The following NDE1 variants were observed in gnomAD, a reference collection of about 807,000 sequenced individuals.
NDE1 encodes the protein nuclear distribution protein nudE homolog 1.
NDE1 carries 28 observed loss-of-function variants against 43.4 expected under a neutral mutation model. The observed-to-expected ratio is 0.65, with a 90% CI of 0.48 to 0.89. The LOEUF is 0.89. Among genes scored for constraint, NDE1 ranks in the 40% least tolerant of loss-of-function variants. The pLI is 0.00. For synonymous variants in NDE1, 184 were observed against 172.0 expected, an observed-to-expected ratio of 1.07 and a Z score of -0.55; for missense variants, 441 against 434.1, an observed-to-expected ratio of 1.02 and a Z score of -0.14.
At chr16:15,703,795 C>G (rs1364311339) in intron 8 of NDE1, 1 of 728,356 alleles carries the variant, frequency 1.4e-6, no homozygotes, top group Non-Finnish European at 2.3e-6. Context: ...ACTACGTTGC[C>G]CAGGCTGGAG....
At chr16:15,719,442 AGAG>A (rs1408204756) in intron 8 of NDE1, 6 of 1,478,190 alleles carry the variant, frequency 4.1e-6, no homozygotes, top group Non-Finnish European at 5.6e-6. Flanking sequence ...GTGAATACAT[AGAG>A]GAGGGAAGCG....
At chr16:15,644,887 C>A in intron 1 of NDE1, among the ~76,000 whole-genome samples, 1 of 148,538 alleles carries the variant, frequency 6.7e-6, no homozygotes. Context: ...AGCCAGAAAA[C>A]ATCAAAGAAT....
intron 3 of NDE1, among the ~76,000 whole-genome samples, chr16:15,671,911 C>G (rs776564686): frequency 3.2e-4 from 49 of 151,974 alleles, no homozygotes; most frequent in Admixed American, 1.1e-3. Flanking sequence ...TAGTCTGGGA[C>G]TCCTGAGCTC....
chr16:15,682,780 A>C (rs1462637463), intron 4 of NDE1, among the ~76,000 whole-genome samples: 2 of 152,136 alleles, frequency 1.3e-5, no homozygotes, highest in Non-Finnish European at 2.9e-5. Context: ...GCTGGAGTGC[A>C]GTGGTGCGAT....
In NDE1 at chr16:15,721,639, A is replaced by G; in HGVS notation, c.948-2552A>G. 6.2e-7 allele frequency: 1 copy of G among 1,614,150 alleles called. No individual in the cohort carries two copies. Among genetic ancestry groups the G allele is most frequent in the Non-Finnish European group, 8.5e-7 (1 of 1,180,010 alleles). On this transcript the variant is annotated intron_variant, in intron 8 of 8. Transcript: ENST00000396354. ...GTTTTTCTCCTCGGCTAACAACTAC[A>G]ACACAAGACCCAGAGGTGACTTCTA...
intron 8 of NDE1, among the ~76,000 whole-genome samples, chr16:15,710,652 T>G (rs1195405502): frequency 6.6e-6 from 1 of 151,404 alleles, no homozygotes; most frequent in Non-Finnish European, 1.5e-5. Flanking sequence ...GGGGGACTGG[T>G]TGCCAGCAGA....
At chr16:15,690,994 G>C (rs1369401593) in intron 5 of NDE1, 150 bp from the exon 6 acceptor site, 2 of 858,398 alleles carry the variant, frequency 2.3e-6, no homozygotes, top group Middle Eastern at 3.3e-4. Context: ...TTTCAATAGA[G>C]ATGAGGTTTC....
chr16:15,685,187 G>A (rs897647204), intron 4 of NDE1, among the ~76,000 whole-genome samples: 1 of 152,106 alleles, frequency 6.6e-6, no homozygotes, highest in Non-Finnish European at 1.5e-5. Flanking sequence ...GTCAACCTTA[G>A]GGCTGTTTTA....
chr16:15,707,712 T>C (rs368732478), intron 8 of NDE1, among the ~76,000 whole-genome samples: 12 of 152,210 alleles, frequency 7.9e-5, no homozygotes, highest in African/African-American at 2.9e-4. Context: ...TTGGTCATGC[T>C]TGTAATCCCA....
rs756959127 is a variant in NDE1 at position 15,724,440 on chromosome 16, A to G, written c.*189A>G. 4 of 1,612,806 alleles carry G rather than the reference A, an allele frequency of 2.5e-6. No homozygotes were observed. Among genetic ancestry groups the G allele is most frequent in the Non-Finnish European group, 3.4e-6 (4 of 1,179,830 alleles). ...AGGACAGCGTCCAGGGTAGGGTGAG[A>G]GGGGGACCATGAGTGGCCCCTGTCC... On this transcript the variant is annotated 3_prime_UTR_variant, in exon 9 of 9. Coordinates refer to ENST00000396354, the MANE Select transcript of NDE1 (RefSeq NM_017668.3).
intron 8 of NDE1, chr16:15,715,072 C>G (rs2040046191): frequency 6.2e-7 from 1 of 1,613,050 alleles, no homozygotes; most frequent in East Asian, 2.2e-5. Flanking sequence ...CTGGCATTGC[C>G]TTTCTCTGCC....
At position 15,659,425 on chromosome 16, in the gene NDE1, CTTTTTTTTTTT is replaced by C. The variant is rs35091023; in HGVS notation, c.-43-5292_-43-5282del. Among the ~76,000 whole-genome samples, 276 of 58,908 alleles carry C rather than the reference CTTTTTTTTTTT, an allele frequency of 4.7e-3. 2 individuals carry two copies. The highest frequency in any genetic ancestry group is 0.018 in the African/African-American group (256 of 14,150). The allele number at this position is 58,908 out of a possible 152,430, so 38.6% of individuals were successfully genotyped here. A position where few individuals can be genotyped will look rare whatever the true frequency, so the allele number is the denominator to read the frequency against. On this transcript the variant is annotated intron_variant, in intron 1 of 8. Coordinates refer to ENST00000396354, the MANE Select transcript of NDE1 (RefSeq NM_017668.3). Reference sequence around the variant, plus strand: ...GGAAGGAAGGGACCTTGCACACAATCTTTTTTTTTTTTTTTTTTTTTTTTTTTTTGAGAGGA... The same window carrying C: ...GGAAGGAAGGGACCTTGCACACAATCTTTTTTTTTTTTTTTTTTGAGAGGA...
Position 15,717,250 on chromosome 16 carries a change from C to T in NDE1, c.948-6941C>T, listed in dbSNP as rs2040206876. 1 of 1,614,182 alleles carries T rather than the reference C, an allele frequency of 6.2e-7. No homozygotes were observed. The highest frequency in any genetic ancestry group is 1.3e-5 in the African/African-American group (1 of 75,060). On this transcript the variant is annotated intron_variant, in intron 8 of 8. Transcript: ENST00000396354. ...CCCCCTCCATCTCGTGGAGCTTGCT[C>T]CGGAGCTCCTTGTTCTGCCGCTCGA...
At chr16:15,670,145 G>A (rs1396792827) in intron 3 of NDE1, among the ~76,000 whole-genome samples, 3 of 152,136 alleles carry the variant, frequency 2.0e-5, no homozygotes, top group African/African-American at 7.2e-5. Flanking sequence ...TGGGGCCCTG[G>A]CATGTCTGTG....
chr16:15,719,157 G>C (rs868471241), intron 8 of NDE1: 1 of 1,487,058 alleles, frequency 6.7e-7, no homozygotes, highest in African/African-American at 1.4e-5. Flanking sequence ...AATGGGGGTC[G>C]AGGATGCTGC....
chr16:15,678,426 G>A (rs991383124), intron 4 of NDE1, among the ~76,000 whole-genome samples: 1 of 152,030 alleles, frequency 6.6e-6, no homozygotes, highest in Non-Finnish European at 1.5e-5. Flanking sequence ...GTACAGTGGC[G>A]TGATTTCGGC....
chr16:15,691,350 T>G (rs1596623002), intron 6 of NDE1, 27 bp downstream of exon 6: 2 of 1,611,392 alleles, frequency 1.2e-6, no homozygotes, highest in Non-Finnish European at 1.7e-6. Context: ...TTGCAGGATT[T>G]TCTCGGTTCA....
intron 8 of NDE1, chr16:15,721,681 G>C: frequency 1.9e-6 from 3 of 1,597,924 alleles, no homozygotes; most frequent in Non-Finnish European, 2.6e-6. Context: ...TCCGGGGTCA[G>C]CGTCACTGAA....
rs369596410 is a variant in NDE1 at position 15,694,238 on chromosome 16, C to G, written c.777C>G (p.Asp259Glu). Residue 259 changes from aspartate (D) to glutamate (E), a missense_variant, in exon 7 of 9, where the codon GAC (aspartate) becomes GAG (glutamate). Asp to Glu is a conservative substitution (Grantham distance 45). Transcript: ENST00000396354. ...TATCAGCCCTCAACATTGTGGGAGACCTACTGCGGAAAGTCGGGGTAAGAC... is the reference window on the plus strand; with the variant it reads ...TATCAGCCCTCAACATTGTGGGAGAGCTACTGCGGAAAGTCGGGGTAAGAC... ...ARISALNIVG[D>E]LLRKVGALES... is the part of the protein sequence containing the mutation. The G allele has an allele frequency of 1.9e-5, 30 of 1,613,746 alleles. No individual in the cohort carries two copies. The highest frequency in any genetic ancestry group is 1.0e-4 in the Admixed American group (6 of 59,998).
Sources: allele counts gnomAD v4.1 joint callset (sites outside exome capture counted in the v4.1 genomes callset), GRCh38; gene constraint gnomAD v4.1.1; transcripts MANE v1.5; gene names NCBI Gene and HGNC (gene_info 2026-07-23, HGNC 2026-07-21).